The following GABBR2 variants were observed in gnomAD, a reference collection of about 807,000 sequenced individuals.
GABBR2 encodes the protein G-protein coupled receptor 51.
A neutral mutation model predicts 105.6 loss-of-function variants in GABBR2; 23 were observed. The ratio of observed to expected loss-of-function variants is 0.22; its 90% CI spans 0.16 to 0.31. GABBR2 has a LOEUF of 0.31. Among genes scored for constraint, GABBR2 ranks in the 10% least tolerant of loss-of-function variants. The pLI is 1.00. For synonymous variants in GABBR2, 478 were observed against 499.7 expected (o/e 0.96, Z 0.58); for missense variants, 734 against 1,245.5 (o/e 0.59, Z 6.18).
At chr9:98,374,674 T>A (rs1831841679) in intron 11 of GABBR2, among the ~76,000 whole-genome samples, 1 of 152,220 alleles carries the variant, frequency 6.6e-6, no homozygotes, top group African/African-American at 2.4e-5. Context: ...AGGCAGCATT[T>A]CACACATGTG....
chr9:98,580,851 C>A (rs1828991636), intron 1 of GABBR2, among the ~76,000 whole-genome samples: 2 of 152,224 alleles, frequency 1.3e-5, no homozygotes, highest in Admixed American at 6.5e-5. Context: ...CTCTACACTT[C>A]CACGTTCTCT....
intron 2 of GABBR2, among the ~76,000 whole-genome samples, chr9:98,553,177 CT>C (rs1828522365): frequency 1.3e-5 from 2 of 151,900 alleles, no homozygotes; most frequent in African/African-American, 4.8e-5. Context: ...AGCCACTGCA[CT>C]CAGCATATTC....
chr9:98,608,173 T>C, intron 1 of GABBR2: 3 of 1,123,440 alleles, frequency 2.7e-6, no homozygotes, highest in Non-Finnish European at 3.9e-6. Flanking sequence ...GTTGCCAATA[T>C]GCCAGCTTGG....
chr9:98,402,385 G>A (rs924288423), intron 8 of GABBR2, among the ~76,000 whole-genome samples: 35 of 152,228 alleles, frequency 2.3e-4, no homozygotes, highest in African/African-American at 7.0e-4. Context: ...ACGTGGTGTC[G>A]TGAAAATCAG....
At chr9:98,674,458 G>GA (rs397694691) in intron 1 of GABBR2, among the ~76,000 whole-genome samples, 8 of 1,478 alleles carry the variant, frequency 5.4e-3, no homozygotes, top group African/African-American at 0.016. Flanking sequence ...CTGGGTGCCT[G>GA]GTGGGCAGTG....
chr9:98,616,160 T>C (rs1588254023), intron 1 of GABBR2, among the ~76,000 whole-genome samples: 1 of 152,300 alleles, frequency 6.6e-6, no homozygotes. Flanking sequence ...CAGAAACACA[T>C]GTGGTCCCCA....
At chr9:98,453,818 C>G (rs182573195) in intron 7 of GABBR2, among the ~76,000 whole-genome samples, 163 bp downstream of exon 7, 2 of 152,328 alleles carry the variant, frequency 1.3e-5, no homozygotes, top group African/African-American at 4.8e-5. Flanking sequence ...CACACTGCCC[C>G]TGCCCCTTGT....
chr9:98,663,410 A>G (rs1038987885), intron 1 of GABBR2, among the ~76,000 whole-genome samples: 1 of 152,114 alleles, frequency 6.6e-6, no homozygotes, highest in Non-Finnish European at 1.5e-5. Context: ...TAGAATCCCA[A>G]ATACTAAAAG....
chr9:98,626,405 TA>T (rs1033071358), intron 1 of GABBR2, among the ~76,000 whole-genome samples: 290 of 152,322 alleles, frequency 1.9e-3, no homozygotes, highest in Non-Finnish European at 3.1e-3. Context: ...TTAGGTGAAT[TA>T]AATTAAGATT....
chr9:98,576,389 C>T (rs1253656452), intron 2 of GABBR2, among the ~76,000 whole-genome samples: 5 of 152,226 alleles, frequency 3.3e-5, no homozygotes, highest in Admixed American at 2.6e-4. Context: ...ACCCAGTGGT[C>T]TCCTTCTCAC....
chr9:98,387,341 G>A (rs113684642), intron 10 of GABBR2, among the ~76,000 whole-genome samples: 222 of 152,302 alleles, frequency 1.5e-3, no homozygotes, highest in African/African-American at 5.0e-3. Flanking sequence ...AATTCAATGA[G>A]TTTAGTCTTA....
chr9:98,614,789 G>A (rs1486755857), intron 1 of GABBR2, among the ~76,000 whole-genome samples: 1 of 151,936 alleles, frequency 6.6e-6, no homozygotes, highest in Non-Finnish European at 1.5e-5. Context: ...TGGGGAGGGA[G>A]GGAGGGAGAG....
At chr9:98,459,832 G>A (rs557533477) in intron 6 of GABBR2, among the ~76,000 whole-genome samples, 25 of 152,266 alleles carry the variant, frequency 1.6e-4, no homozygotes, top group Admixed American at 3.3e-4. Context: ...ACCGAACCTG[G>A]AATCATCTCA....
chr9:98,498,957 G>A (rs1348345971), intron 3 of GABBR2, among the ~76,000 whole-genome samples: 1 of 152,238 alleles, frequency 6.6e-6, no homozygotes, highest in Non-Finnish European at 1.5e-5. Context: ...GAAACGCACA[G>A]TCTAGCCTTG....
intron 1 of GABBR2, among the ~76,000 whole-genome samples, chr9:98,626,034 G>A (rs761563635): frequency 6.6e-6 from 1 of 152,202 alleles, no homozygotes; most frequent in Non-Finnish European, 1.5e-5. Context: ...AACAATAGAG[G>A]GGAGAGCTCC....
intron 7 of GABBR2, among the ~76,000 whole-genome samples, chr9:98,420,745 C>T (rs928299558): frequency 6.6e-6 from 1 of 152,172 alleles, no homozygotes; most frequent in Non-Finnish European, 1.5e-5. Flanking sequence ...GAGAGATCAC[C>T]AGGCAAAAGG....
At chr9:98,494,917 G>C (rs1156665747) in intron 4 of GABBR2, among the ~76,000 whole-genome samples, 1 of 152,212 alleles carries the variant, frequency 6.6e-6, no homozygotes, top group East Asian at 1.9e-4. Flanking sequence ...TGGAGCTCAG[G>C]GAGCTATTTC....
At chr9:98,595,141 C>A (rs1312176960) in intron 1 of GABBR2, among the ~76,000 whole-genome samples, 1 of 152,124 alleles carries the variant, frequency 6.6e-6, no homozygotes, top group Non-Finnish European at 1.5e-5. Context: ...AGTTTGAGAT[C>A]AAGGCGCCAG....
At chr9:98,457,857 C>A (rs1826353680) in intron 6 of GABBR2, among the ~76,000 whole-genome samples, 1 of 152,154 alleles carries the variant, frequency 6.6e-6, no homozygotes, top group Non-Finnish European at 1.5e-5. Context: ...TTAAAGCAGG[C>A]CTCCAATTAT....
Sources: allele counts gnomAD v4.1 joint callset (sites outside exome capture counted in the v4.1 genomes callset), GRCh38; gene constraint gnomAD v4.1.1; transcripts MANE v1.5; gene names NCBI Gene and HGNC (gene_info 2026-07-23, HGNC 2026-07-21).